The following ZC4H2 variants were observed in gnomAD, a reference collection of about 807,000 sequenced individuals.
ZC4H2 encodes the protein zinc finger C4H2 domain-containing protein.
For synonymous variants in ZC4H2, 84 were observed against 66.3 expected (o/e 1.27, Z -1.30); for missense variants, 137 against 173.9 (o/e 0.79, Z 1.19).
intron 1 of ZC4H2, among the ~76,000 whole-genome samples, chrX:65,030,311 G>A (rs944911583): frequency 9.1e-6 from 1 of 109,461 alleles, no homozygotes. Context: ...TGTACAGACC[G>A]GGTTTTGCTA....
intron 1 of ZC4H2, among the ~76,000 whole-genome samples, chrX:64,956,688 G>A (rs1931169802): frequency 8.9e-6 from 1 of 111,734 alleles, no homozygotes; most frequent in Non-Finnish European, 1.9e-5. Flanking sequence ...GGCCCTAACA[G>A]ACCAAACCAA....
intron 1 of ZC4H2, among the ~76,000 whole-genome samples, chrX:64,952,125 A>G (rs1227070104): frequency 4.5e-5 from 5 of 110,234 alleles, no homozygotes; most frequent in Non-Finnish European, 9.5e-5. Context: ...ATGTGGCGTT[A>G]TTTCTGAGGG....
intron 1 of ZC4H2, among the ~76,000 whole-genome samples, chrX:64,983,099 G>C (rs1328718652): frequency 9.0e-6 from 1 of 111,315 alleles, no homozygotes; most frequent in Non-Finnish European, 1.9e-5. Context: ...ACAGGTGGCA[G>C]TATGCATAGT....
intron 1 of ZC4H2, 178 bp from the exon 2 acceptor site, chrX:64,922,166 T>A (rs1385486845): frequency 1.5e-5 from 16 of 1,045,033 alleles, no homozygotes; most frequent in Non-Finnish European, 2.0e-5. Flanking sequence ...ATCTCAGCAA[T>A]TTGGAAGACA....
chrX:65,026,212 G>A (rs1335035342), intron 1 of ZC4H2, among the ~76,000 whole-genome samples: 4 of 112,061 alleles, frequency 3.6e-5, no homozygotes, highest in African/African-American at 6.5e-5. Context: ...GGAATGAAGG[G>A]CAGAGTAGAA....
intron 1 of ZC4H2, among the ~76,000 whole-genome samples, chrX:65,016,092 A>T (rs1264232304): frequency 8.9e-6 from 1 of 112,093 alleles, no homozygotes; most frequent in Non-Finnish European, 1.9e-5. Context: ...ATAAATAAAT[A>T]TATTAATGTG....
intron 1 of ZC4H2, among the ~76,000 whole-genome samples, chrX:64,934,589 A>G (rs1344489042): frequency 8.9e-6 from 1 of 112,216 alleles, no homozygotes; most frequent in African/African-American, 3.2e-5. Flanking sequence ...TGCAGCTCAC[A>G]GTGAGATCAA....
At chrX:64,985,870 C>A (rs1270180926) in intron 1 of ZC4H2, among the ~76,000 whole-genome samples, 1 of 111,636 alleles carries the variant, frequency 9.0e-6, no homozygotes, top group African/African-American at 3.3e-5. Context: ...CTCCTCTTGA[C>A]CCTCTTACTT....
upstream of ZC4H2, among the ~76,000 whole-genome samples, chrX:64,978,045 A>G (rs1932000759): frequency 1.8e-5 from 2 of 111,318 alleles, no homozygotes; most frequent in Admixed American, 1.9e-4. Flanking sequence ...AAAGTGAGTC[A>G]GAACTCTCTC....
intron 1 of ZC4H2, among the ~76,000 whole-genome samples, chrX:64,953,390 C>T (rs1930968259): frequency 1.8e-5 from 2 of 111,878 alleles, no homozygotes; most frequent in African/African-American, 6.5e-5. Context: ...AGGCAACCTA[C>T]AGAATGGGAG....
intron 1 of ZC4H2, among the ~76,000 whole-genome samples, chrX:64,935,108 T>A (rs1226682205): frequency 9.0e-6 from 1 of 111,495 alleles, no homozygotes; most frequent in East Asian, 2.8e-4. Flanking sequence ...ACAGCAGCAG[T>A]CTGATACCGA....
intron 1 of ZC4H2, among the ~76,000 whole-genome samples, chrX:64,940,519 T>G (rs1046838127): frequency 9.0e-6 from 1 of 111,447 alleles, no homozygotes; most frequent in African/African-American, 3.3e-5. Flanking sequence ...GTTTTCTTTT[T>G]TATGATTTTA....
intron 1 of ZC4H2, among the ~76,000 whole-genome samples, chrX:64,929,120 T>C (rs1171892163): frequency 9.0e-6 from 1 of 111,087 alleles, no homozygotes; most frequent in Non-Finnish European, 1.9e-5. Context: ...CTCAAACTCC[T>C]GGCCTCCAGT....
chrX:65,023,276 T>A (rs953396952), intron 1 of ZC4H2, among the ~76,000 whole-genome samples: 1 of 111,999 alleles, frequency 8.9e-6, no homozygotes, highest in Admixed American at 9.5e-5. Flanking sequence ...TGGAGTTTTC[T>A]AAATATACAA....
intron 1 of ZC4H2, among the ~76,000 whole-genome samples, chrX:64,972,901 A>C: frequency 8.9e-6 from 1 of 112,174 alleles, no homozygotes; most frequent in Non-Finnish European, 1.9e-5. Flanking sequence ...CTCCATTTTA[A>C]ATTCTTAAAC....
chrX:64,926,657 C>A (rs1156709754), intron 1 of ZC4H2, among the ~76,000 whole-genome samples: 1 of 112,317 alleles, frequency 8.9e-6, no homozygotes, highest in African/African-American at 3.2e-5. Context: ...TATTTGCCAT[C>A]CATATATCCT....
intron 1 of ZC4H2, among the ~76,000 whole-genome samples, chrX:64,961,517 T>G (rs779101367): frequency 9.0e-6 from 1 of 111,617 alleles, no homozygotes; most frequent in East Asian, 2.8e-4. Context: ...TAACTTTTAA[T>G]GTCATCAGCT....
chrX:64,952,562 T>C (rs1418054960), intron 1 of ZC4H2, among the ~76,000 whole-genome samples: 3 of 111,033 alleles, frequency 2.7e-5, no homozygotes, highest in Non-Finnish European at 3.8e-5. Flanking sequence ...TGAACTCCCT[T>C]TCACAGTTGC....
chrX:64,941,137 T>A (rs1930262445), intron 1 of ZC4H2, among the ~76,000 whole-genome samples: 1 of 111,825 alleles, frequency 8.9e-6, no homozygotes, highest in African/African-American at 3.3e-5. Flanking sequence ...TTCCTAGGTA[T>A]TTTATTCTCT....
Sources: allele counts gnomAD v4.1 joint callset (sites outside exome capture counted in the v4.1 genomes callset), GRCh38; gene constraint gnomAD v4.1.1; transcripts MANE v1.5; gene names NCBI Gene and HGNC (gene_info 2026-07-23, HGNC 2026-07-21).